The following PRKAA2 variants were observed in gnomAD, a reference collection of about 807,000 sequenced individuals.
PRKAA2 encodes 5'-AMP-activated protein kinase catalytic subunit alpha-2.
PRKAA2 carries 40 observed loss-of-function variants against 56.3 expected under a neutral mutation model. That is an observed-to-expected ratio of 0.71 (90% CI 0.55 to 0.92). The LOEUF (loss-of-function observed/expected upper bound fraction) is 0.92, where lower values mean the gene tolerates loss of function less well. Among genes scored for constraint, PRKAA2 ranks in the 40% least tolerant of loss-of-function variants. PRKAA2 has a pLI of 0.00. For missense variants in PRKAA2, 542 were observed against 686.9 expected, an observed-to-expected ratio of 0.79 and a Z score of 2.36; for synonymous variants, 214 against 234.2, an observed-to-expected ratio of 0.91 and a Z score of 0.79.
At chr1:56,688,804 A>G (rs1331441867) in intron 2 of PRKAA2, among the ~76,000 whole-genome samples, 1 of 152,234 alleles carries the variant, frequency 6.6e-6, no homozygotes. Context: ...GAGAATCTTT[A>G]TTTAATGTCT....
intron 1 of PRKAA2, among the ~76,000 whole-genome samples, chr1:56,671,933 ACTTTTGTCAT>A (rs1644080042): frequency 6.6e-6 from 1 of 152,220 alleles, no homozygotes; most frequent in Admixed American, 6.6e-5. Flanking sequence ...ATTAATGGTC[ACTTTTGTCAT>A]CATTATTAAT....
At chr1:56,696,938 G>T (rs575380539) in intron 6 of PRKAA2, among the ~76,000 whole-genome samples, 1 of 147,798 alleles carries the variant, frequency 6.8e-6, no homozygotes, top group African/African-American at 2.5e-5. Flanking sequence ...GATTTCATCC[G>T]TGTTTGTTTA....
chr1:56,663,339 C>T (rs1031922557), intron 1 of PRKAA2, among the ~76,000 whole-genome samples: 1 of 152,194 alleles, frequency 6.6e-6, no homozygotes, highest in Admixed American at 6.5e-5. Context: ...CCTCTCGCCC[C>T]TGTTTCCCAA....
chr1:56,663,889 C>T (rs928636496), intron 1 of PRKAA2, among the ~76,000 whole-genome samples: 4 of 152,114 alleles, frequency 2.6e-5, no homozygotes, highest in Non-Finnish European at 5.9e-5. Flanking sequence ...CGCTTGAGCC[C>T]AGGAGTTTGA....
chr1:56,651,792 C>G (rs1273864502), intron 1 of PRKAA2, among the ~76,000 whole-genome samples: 2 of 151,628 alleles, frequency 1.3e-5, no homozygotes, highest in Admixed American at 1.3e-4. Flanking sequence ...AGTTTTAACC[C>G]ATGTTTATTA....
chr1:56,655,268 C>CTATA (rs1437334846), intron 1 of PRKAA2, among the ~76,000 whole-genome samples: 1 of 106,830 alleles, frequency 9.4e-6, no homozygotes, highest in African/African-American at 3.7e-5. Context: ...ATTTATATAT[C>CTATA]TATATATATA....
chr1:56,675,093 AATAAG>A (rs774690772), intron 2 of PRKAA2, among the ~76,000 whole-genome samples: 2 of 152,090 alleles, frequency 1.3e-5, no homozygotes. Flanking sequence ...TATTGAGATA[AATAAG>A]ATAAGTAATT....
chr1:56,692,379 C>T lies in PRKAA2; in HGVS notation c.352C>T (p.Arg118Trp), dbSNP rs145987132. ...HGRVEEMEAR[R>W]LFQQILSAVD... Reference sequence around the variant, plus strand: ...ATAGGTTGAAGAGATGGAAGCCAGGCGGCTCTTTCAGCAGATTCTGTCTGC... The same window carrying T: ...ATAGGTTGAAGAGATGGAAGCCAGGTGGCTCTTTCAGCAGATTCTGTCTGC... The change falls in exon 4 of 9, where the codon CGG (arginine) becomes TGG (tryptophan). Residue 118 changes from arginine (R) to tryptophan (W), a missense_variant. By Grantham distance (101) the Arg-to-Trp change is moderately radical. Around this residue, in one of 5 missense-constraint regions of PRKAA2, gnomAD observed 121 missense variants for 210.0 expected, o/e 0.58. Transcript: ENST00000371244. 2.5e-4 allele frequency: 405 copies of T among 1,613,952 alleles called. No individual in the cohort carries two copies. The highest frequency in any genetic ancestry group is 6.6e-4 in the Middle Eastern group (4 of 6,062).
intron 1 of PRKAA2, among the ~76,000 whole-genome samples, chr1:56,671,744 A>C (rs1013964021): frequency 6.6e-6 from 1 of 152,186 alleles, no homozygotes; most frequent in South Asian, 2.1e-4. Flanking sequence ...CTGAAGTCAG[A>C]CAGCCCAGGT....
chr1:56,706,232 G>A lies in PRKAA2; in HGVS notation c.1420+14G>A, dbSNP rs1408467895. 6.2e-7 allele frequency: 1 copy of A among 1,610,140 alleles called. No homozygotes were observed. The highest frequency in any genetic ancestry group is 1.1e-5 in the South Asian group (1 of 90,070). ...AAAGCATTGATGGTAAGGAAGCTATGCATGCATGAGCTCTGAGAAGATAAA... is the reference window on the plus strand; with the variant it reads ...AAAGCATTGATGGTAAGGAAGCTATACATGCATGAGCTCTGAGAAGATAAA... On this transcript the variant is annotated intron_variant, in intron 8 of 8. Transcript: ENST00000371244.
rs778332240 is a variant in PRKAA2 at position 56,645,379 on chromosome 1, G to GCGCC, written c.-8_-5dup. Reference sequence around the variant, plus strand: ...GGCAGGCGGTGGAGCGAGGCCGCGCGCGCCGAAGATGGCTGAGAAGCAGAA... The same window carrying GCGCC: ...GGCAGGCGGTGGAGCGAGGCCGCGCGCGCCCGCCGAAGATGGCTGAGAAGCAGAA... On this transcript the variant is annotated 5_prime_UTR_variant, in exon 1 of 9. Transcript: ENST00000371244. 6.8e-7 allele frequency: 1 copy of GCGCC among 1,467,764 alleles called. No homozygotes were observed. Among genetic ancestry groups the GCGCC allele is most frequent in the South Asian group, 1.2e-5 (1 of 80,294 alleles). 90.9% of individuals were successfully genotyped at this position (1,467,764 alleles called of 1,614,324 possible).
At chr1:56,697,874 A>G (rs954905106) in intron 6 of PRKAA2, among the ~76,000 whole-genome samples, 1 of 152,008 alleles carries the variant, frequency 6.6e-6, no homozygotes, top group Non-Finnish European at 1.5e-5. Context: ...TTGTATATTT[A>G]TATACTTCAG....
rs571526354 is a variant in PRKAA2, at chr1:56,711,593, T to A, written c.*3880T>A. ...AAACCTTTTCAATCTTGCATTTATT[T>A]ACTTGGTTCTCCTGTGTCACCCTGT... On this transcript the variant is annotated 3_prime_UTR_variant, in exon 9 of 9. Transcript: ENST00000371244. 1 of 152,326 alleles carries A rather than the reference T, an allele frequency of 6.6e-6. No individual in the cohort carries two copies. Among genetic ancestry groups the A allele is most frequent in the South Asian group, 2.1e-4 (1 of 4,830 alleles). The allele number at this position is 152,326 out of a possible 1,614,324, so 9.4% of individuals were successfully genotyped here.
intron 1 of PRKAA2, 136 bp downstream of exon 1, chr1:56,645,617 G>A: frequency 1.4e-6 from 1 of 691,116 alleles, no homozygotes; most frequent in Non-Finnish European, 1.9e-6. Flanking sequence ...CGCGGAGCTG[G>A]GGCCCCGGGA....
chr1:56,696,122 G>A lies in PRKAA2; in HGVS notation c.751G>A (p.Val251Ile), dbSNP rs753307011. 1 of 1,613,454 alleles carries A rather than the reference G, an allele frequency of 6.2e-7. No homozygotes were observed. The highest frequency in any genetic ancestry group is 1.1e-5 in the South Asian group (1 of 91,000). ...VATLLMHMLQ[V>I]DPLKRATIKD... The stretch of plus-strand genomic sequence containing the variant: ...CACTCTCCTGATGCATATGCTGCAG[G>A]TTGACCCACTGAAACGAGCAACTAT... The change falls in exon 6 of 9, where the codon GTT (valine) becomes ATT (isoleucine). Residue 251 changes from valine (V) to isoleucine (I), a missense_variant. Physicochemically the swap from Val to Ile is conservative, Grantham distance 29. Around this residue, in one of 5 missense-constraint regions of PRKAA2, gnomAD observed 198 missense variants for 234.0 expected, o/e 0.85. Coordinates refer to ENST00000371244, the MANE Select transcript of PRKAA2 (RefSeq NM_006252.4).
chr1:56,670,974 T>C (rs890173055), intron 1 of PRKAA2, among the ~76,000 whole-genome samples: 37 of 152,300 alleles, frequency 2.4e-4, no homozygotes, highest in African/African-American at 8.7e-4. Context: ...TCTCTTCTCA[T>C]GTGTCTGTCT....
At chr1:56,699,469 C>T (rs2100431928) in intron 6 of PRKAA2, among the ~76,000 whole-genome samples, 1 of 152,166 alleles carries the variant, frequency 6.6e-6, no homozygotes, top group East Asian at 1.9e-4. Flanking sequence ...AAACTGACTC[C>T]TGAAAATCAA....
intron 1 of PRKAA2, among the ~76,000 whole-genome samples, chr1:56,671,788 G>A (rs1311776809): frequency 2.0e-5 from 3 of 152,058 alleles, no homozygotes; most frequent in Admixed American, 6.6e-5. Context: ...GTGTGACCTT[G>A]GGTGACTTAT....
intron 1 of PRKAA2, among the ~76,000 whole-genome samples, chr1:56,662,320 CTT>C (rs1249957055): frequency 6.6e-6 from 1 of 151,582 alleles, no homozygotes; most frequent in Non-Finnish European, 1.5e-5. Flanking sequence ...GACTATATAT[CTT>C]TGAGAAAAAC....
Sources: gnomAD v4.1 joint callset for allele counts (sites outside exome capture counted in the v4.1 genomes callset) on GRCh38, gnomAD v4.1.1 for gene constraint, gnomAD v4.1.1 regional missense constraint, MANE v1.5 for transcripts, NCBI Gene and HGNC (gene_info 2026-07-23, HGNC 2026-07-21) for gene names.